NOTCH2NLA: variants seen among roughly 807,000 people sequenced by gnomAD.
NOTCH2NLA encodes notch homolog 2 N-terminal-like protein A.
rs376285318 is a variant in NOTCH2NLA, at chr1:146,161,628, C to T, written c.298+3123G>A. Among the ~76,000 whole-genome samples, 13 of 55,492 alleles carry T rather than the reference C, an allele frequency of 2.3e-4. 1 individual carries two copies. The highest frequency in any genetic ancestry group is 9.4e-4 in the African/African-American group (8 of 8,518). 36.4% of individuals were successfully genotyped at this position (55,492 alleles called of 152,430 possible). On this transcript the variant is annotated intron_variant, in intron 3 of 4. Coordinates refer to ENST00000362074, the Ensembl canonical transcript of NOTCH2NLA. ...GAGGTCTTAGTTCCAGAGGGAGGAA[C>T]GCTGCCATCAGAAGACACAACAACA...
chr1:146,161,992 A>C (rs587768456), intron 3 of NOTCH2NLA, among the ~76,000 whole-genome samples: 2 of 98,468 alleles, frequency 2.0e-5, no homozygotes, highest in South Asian at 6.0e-4. Context: ...TGCTGAAGGC[A>C]AAAGGAATAC....
intron 1 of NOTCH2NLA, among the ~76,000 whole-genome samples, chr1:146,207,815 CTTTTTTTTTT>C (rs74543040): frequency 2.8e-5 from 2 of 72,222 alleles, no homozygotes; most frequent in Non-Finnish European, 5.7e-5. Context: ...ATACCACTTT[CTTTTTTTTTT>C]TTTTTTTTTT....
intron 3 of NOTCH2NLA, among the ~76,000 whole-genome samples, chr1:146,159,261 G>A (rs868934889): frequency 0.021 from 3,090 of 150,660 alleles, 69 homozygotes; most frequent in African/African-American, 0.072. Context: ...GGGAGGCTGA[G>A]GCACAAGAAT....
chr1:146,173,070 T>C (rs587699582), intron 2 of NOTCH2NLA, among the ~76,000 whole-genome samples: 2 of 150,952 alleles, frequency 1.3e-5, no homozygotes, highest in Admixed American at 6.6e-5. Context: ...ATTATGGACA[T>C]GGGAAGAAAG....
chr1:146,180,573 T>A (rs1553809076), intron 2 of NOTCH2NLA, among the ~76,000 whole-genome samples: 2 of 143,186 alleles, frequency 1.4e-5, no homozygotes, highest in Admixed American at 7.1e-5. Flanking sequence ...CTAGAAAATG[T>A]GCGGAAATCC....
rs375683076 is a variant in NOTCH2NLA, at chr1:146,182,845, C to CA, written c.38+6454dup. On this transcript the variant is annotated intron_variant, in intron 2 of 4. Transcript: ENST00000362074. ...TGGGCCACAGAGCGAGACTCTGTCT[C>CA]AAAAAAAAACAACAACAAAAAACTA... Among the ~76,000 whole-genome samples, 269 of 76,844 alleles carry CA rather than the reference C, an allele frequency of 3.5e-3. 2 individuals carry two copies. Among genetic ancestry groups the CA allele is most frequent in the African/African-American group, 9.9e-3 (241 of 24,296 alleles). The allele number at this position is 76,844 out of a possible 152,430, so 50.4% of individuals were successfully genotyped here. A position where few individuals can be genotyped will look rare whatever the true frequency, so the allele number is the denominator to read the frequency against.
At chr1:146,228,211 C>T (rs1478947002) in intron 1 of NOTCH2NLA, among the ~76,000 whole-genome samples, 1 of 148,680 alleles carries the variant, frequency 6.7e-6, no homozygotes, top group African/African-American at 2.5e-5. Flanking sequence ...TGTGCCGCCC[C>T]CTGGCAAAGG....
At chr1:146,207,803 C>A (rs1663661582) in intron 1 of NOTCH2NLA, among the ~76,000 whole-genome samples, 1 of 101,660 alleles carries the variant, frequency 9.8e-6, no homozygotes, top group Non-Finnish European at 2.2e-5. Context: ...TAGACAGGCC[C>A]AATACCACTT....
At chr1:146,171,353 C>A (rs1181435950) in intron 2 of NOTCH2NLA, among the ~76,000 whole-genome samples, 4 of 139,948 alleles carry the variant, frequency 2.9e-5, no homozygotes, top group Non-Finnish European at 6.6e-5. Flanking sequence ...ATGGCATGAA[C>A]CCAGAAGTTG....
intron 2 of NOTCH2NLA, among the ~76,000 whole-genome samples, chr1:146,173,923 CAG>C (rs1439151409): frequency 5.0e-5 from 4 of 79,770 alleles, no homozygotes. Flanking sequence ...AGGAAGAAAA[CAG>C]AGAAAAACAA....
At chr1:146,198,789 A>G (rs1553813251) in intron 1 of NOTCH2NLA, among the ~76,000 whole-genome samples, 2 of 92,324 alleles carry the variant, frequency 2.2e-5, no homozygotes, top group African/African-American at 7.2e-5. Context: ...CCCTTTTTAA[A>G]GCTTTTTTTT....
chr1:146,179,381 C>CA (rs1662424648), intron 2 of NOTCH2NLA, among the ~76,000 whole-genome samples: 1 of 120,140 alleles, frequency 8.3e-6, no homozygotes, highest in African/African-American at 2.7e-5. Context: ...TTCCTGTCCC[C>CA]AGGTCCTCTC....
chr1:146,225,378 A>C (rs61814520), intron 1 of NOTCH2NLA, among the ~76,000 whole-genome samples: 1 of 94,550 alleles, frequency 1.1e-5, no homozygotes, highest in East Asian at 2.5e-4. Context: ...TTAAGGAAAA[A>C]GAGATAACAG....
intron 1 of NOTCH2NLA, among the ~76,000 whole-genome samples, chr1:146,223,954 T>G (rs1267709989): frequency 1.4e-5 from 2 of 141,472 alleles, no homozygotes; most frequent in Admixed American, 1.5e-4. Context: ...AGTTCTGTAG[T>G]ACAGAGAAGA....
At chr1:146,158,285 A>G (rs1661265930) in intron 3 of NOTCH2NLA, among the ~76,000 whole-genome samples, 2 of 145,782 alleles carry the variant, frequency 1.4e-5, no homozygotes, top group Non-Finnish European at 3.0e-5. Flanking sequence ...CATTTACATT[A>G]GGTACATCTC....
At chr1:146,219,494 T>C (rs1339369115) in intron 1 of NOTCH2NLA, among the ~76,000 whole-genome samples, 13 of 108,410 alleles carry the variant, frequency 1.2e-4, no homozygotes, top group Non-Finnish European at 2.3e-4. Context: ...CCATACATAT[T>C]GTGACATATT....
At chr1:146,182,848 A>AT (rs1662607554) in intron 2 of NOTCH2NLA, among the ~76,000 whole-genome samples, 1 of 86,342 alleles carries the variant, frequency 1.2e-5, no homozygotes, top group African/African-American at 3.6e-5. Context: ...TCTGTCTCAA[A>AT]AAAAAACAAC....
At chr1:146,187,014 G>T (rs1662802588) in intron 2 of NOTCH2NLA, among the ~76,000 whole-genome samples, 1 of 129,390 alleles carries the variant, frequency 7.7e-6, no homozygotes, top group Non-Finnish European at 1.8e-5. Flanking sequence ...TCATCCTAAT[G>T]CTCTCCCTCC....
Position 146,200,441 on chromosome 1 carries a change from ATATAT to A in NOTCH2NLA, c.-44-11065_-44-11061del, listed in dbSNP as rs1663366654. Among the ~76,000 whole-genome samples, 2 of 19,590 alleles carry A rather than the reference ATATAT, an allele frequency of 1.0e-4. 1 individual carries two copies. The highest frequency in any genetic ancestry group is 6.2e-4 in the African/African-American group (2 of 3,234). The allele number at this position is 19,590 out of a possible 152,430, so 12.9% of individuals were successfully genotyped here. On this transcript the variant is annotated intron_variant, in intron 1 of 4. Coordinates refer to ENST00000362074, the Ensembl canonical transcript of NOTCH2NLA. ...CTGCCTGAGAAAAAAAAAAAAAAATATATATATATATATATATTCCTGAACTTCAA... is the reference window on the plus strand; with the variant it reads ...CTGCCTGAGAAAAAAAAAAAAAAATAATATATATATATTCCTGAACTTCAA...
Sources: allele counts gnomAD v4.1 joint callset (sites outside exome capture counted in the v4.1 genomes callset), GRCh38; gene constraint gnomAD v4.1.1; transcripts MANE v1.5; gene names NCBI Gene and HGNC (gene_info 2026-07-23, HGNC 2026-07-21).